Variants in SGCD observed in about 807,000 individuals in gnomAD.
The protein encoded by SGCD is sarcoglycan delta.
In SGCD, 18 loss-of-function variants were observed where a neutral mutation model predicts 36.6. The ratio of observed to expected loss-of-function variants is 0.49; its 90% CI spans 0.34 to 0.73. The LOEUF (loss-of-function observed/expected upper bound fraction) is 0.73, where lower values mean the gene tolerates loss of function less well. Ranked by LOEUF, SGCD falls within the 30% of genes least tolerant of loss-of-function variation. The probability of loss-of-function intolerance (pLI) is 0.01; values close to 1 mark genes in which losing one functional copy is unlikely to be tolerated. For synonymous variants in SGCD, 133 were observed against 130.6 expected (o/e 1.02, Z -0.12); for missense variants, 387 against 346.7 (o/e 1.12, Z -0.92).
chr5:156,034,701 G>A (rs750722222), intron 1 of SGCD, among the ~76,000 whole-genome samples: 3 of 152,142 alleles, frequency 2.0e-5, no homozygotes, highest in Non-Finnish European at 4.4e-5. Flanking sequence ...GAATCAGTTG[G>A]TCATGTGAAA....
At chr5:156,454,499 A>G (rs1754166783) in intron 3 of SGCD, among the ~76,000 whole-genome samples, 1 of 152,198 alleles carries the variant, frequency 6.6e-6, no homozygotes, top group South Asian at 2.1e-4. Context: ...TGGTGAATTC[A>G]GCTCATTGAA....
intron 3 of SGCD, among the ~76,000 whole-genome samples, chr5:156,494,052 G>A (rs1756064980): frequency 6.6e-6 from 1 of 152,072 alleles, no homozygotes; most frequent in African/African-American, 2.4e-5. Flanking sequence ...ACTGCCATAG[G>A]AAATCAGAGA....
chr5:156,490,209 A>G (rs1755874223), intron 3 of SGCD, among the ~76,000 whole-genome samples: 2 of 152,104 alleles, frequency 1.3e-5, no homozygotes, highest in South Asian at 4.1e-4. Context: ...ACATTGAATC[A>G]GTAATTAAAA....
the SGCD span, among the ~76,000 whole-genome samples, chr5:155,811,538 A>G: frequency 2.0e-5 from 3 of 152,192 alleles, no homozygotes; most frequent in African/African-American, 7.2e-5. Context: ...AGCTGGGGAC[A>G]AGCATCCTCA....
the SGCD span, among the ~76,000 whole-genome samples, chr5:155,829,373 G>A: frequency 1.3e-5 from 2 of 150,270 alleles, no homozygotes; most frequent in South Asian, 4.2e-4. Context: ...CTTCTTTTGT[G>A]AAATTTGCTA....
chr5:156,006,722 A>G (rs4634337), intron 1 of SGCD, among the ~76,000 whole-genome samples: 2 of 152,154 alleles, frequency 1.3e-5, no homozygotes, highest in East Asian at 1.9e-4. Context: ...GGTGGATTCT[A>G]TTTTATTCTA....
intron 1 of SGCD, among the ~76,000 whole-genome samples, chr5:155,944,928 A>G (rs78505098): frequency 0.064 from 9,764 of 152,252 alleles, 449 homozygotes; most frequent in Non-Finnish European, 0.097. Context: ...AAATAATAAT[A>G]ATAAGGGAGT....
At chr5:156,629,848 A>T (rs1331143539) in intron 6 of SGCD, among the ~76,000 whole-genome samples, 1 of 142,726 alleles carries the variant, frequency 7.0e-6, no homozygotes, top group Admixed American at 6.9e-5. Flanking sequence ...TGGTTTTGAG[A>T]CTTTTTCTTT....
At chr5:156,745,753 CAG>C (rs772871507) in intron 7 of SGCD, among the ~76,000 whole-genome samples, 14 of 151,870 alleles carry the variant, frequency 9.2e-5, no homozygotes, top group Non-Finnish European at 1.6e-4. Context: ...AGAAATGAAA[CAG>C]AATTTCTAGA....
intron 3 of SGCD, among the ~76,000 whole-genome samples, chr5:156,463,412 T>C (rs938771638): frequency 1.3e-5 from 2 of 152,160 alleles, no homozygotes; most frequent in African/African-American, 4.8e-5. Flanking sequence ...ACGTATAGTC[T>C]TGGCTTTCAA....
At chr5:156,158,638 C>T (rs554214894) in intron 3 of SGCD, among the ~76,000 whole-genome samples, 10 of 151,666 alleles carry the variant, frequency 6.6e-5, no homozygotes, top group South Asian at 2.1e-4. Flanking sequence ...GCAGTCTTTA[C>T]GGACAAGCCT....
At chr5:155,857,685 G>A in the SGCD span, among the ~76,000 whole-genome samples, 4 of 152,062 alleles carry the variant, frequency 2.6e-5, no homozygotes, top group Non-Finnish European at 5.9e-5. Flanking sequence ...GATTATAAAG[G>A]GGCACAATTA....
At chr5:156,610,677 C>T (rs1040606975) in intron 6 of SGCD, among the ~76,000 whole-genome samples, 8 of 152,236 alleles carry the variant, frequency 5.3e-5, no homozygotes, top group Non-Finnish European at 8.8e-5. Flanking sequence ...CCTTGAGCTG[C>T]GGTGGGCTCC....
At chr5:156,690,482 T>G (rs1754067130) in intron 7 of SGCD, among the ~76,000 whole-genome samples, 1 of 151,864 alleles carries the variant, frequency 6.6e-6, no homozygotes, top group Admixed American at 6.6e-5. Flanking sequence ...TGCTGGTGAG[T>G]TGTTTTTGAG....
At chr5:155,998,334 G>A (rs1758597664) in intron 1 of SGCD, among the ~76,000 whole-genome samples, 1 of 152,062 alleles carries the variant, frequency 6.6e-6, no homozygotes, top group South Asian at 2.1e-4. Context: ...AGTCTGTGTT[G>A]AAAAATAATT....
At chr5:155,795,633 T>C in the SGCD span, among the ~76,000 whole-genome samples, 1 of 152,176 alleles carries the variant, frequency 6.6e-6, no homozygotes, top group Admixed American at 6.5e-5. Flanking sequence ...TAAAATGGTG[T>C]ATATTAACAA....
intron 1 of SGCD, among the ~76,000 whole-genome samples, chr5:155,893,036 C>G (rs1013182784): frequency 6.6e-6 from 1 of 152,160 alleles, no homozygotes; most frequent in Non-Finnish European, 1.5e-5. Flanking sequence ...GGAGGAATAA[C>G]TTCCCATATT....
chr5:156,593,744 AC>A (rs548302342), intron 5 of SGCD, among the ~76,000 whole-genome samples: 89 of 152,130 alleles, frequency 5.9e-4, no homozygotes, highest in African/African-American at 2.0e-3. Flanking sequence ...TGAGTAATAA[AC>A]CCAATTTGTT....
intron 1 of SGCD, among the ~76,000 whole-genome samples, chr5:155,963,261 A>G (rs1053667561): frequency 1.3e-5 from 2 of 152,124 alleles, no homozygotes; most frequent in Non-Finnish European, 2.9e-5. Flanking sequence ...AACAAAAAAT[A>G]TATTCCACAC....
Sources: gnomAD v4.1 joint callset for allele counts (sites outside exome capture counted in the v4.1 genomes callset) on GRCh38, gnomAD v4.1.1 for gene constraint, MANE v1.5 for transcripts, NCBI Gene and HGNC (gene_info 2026-07-23, HGNC 2026-07-21) for gene names.